ABCA12: variants seen among roughly 807,000 people sequenced by gnomAD.
The protein encoded by ABCA12 is ATP binding cassette subfamily A member 12.
A neutral mutation model predicts 293.5 loss-of-function variants in ABCA12; 156 were observed. That is an observed-to-expected ratio of 0.53 (90% CI 0.47 to 0.61). ABCA12 has a LOEUF of 0.61. Among genes scored for constraint, ABCA12 ranks in the 20% least tolerant of loss-of-function variants. The pLI is 0.00. For missense variants in ABCA12, 2,797 were observed against 3,090.2 expected, an observed-to-expected ratio of 0.91 and a Z score of 2.25; for synonymous variants, 1,063 against 1,108.0, an observed-to-expected ratio of 0.96 and a Z score of 0.81.
At chr2:214,983,988 A>G (rs979481972) in intron 28 of ABCA12, 123 bp from the exon 29 acceptor site, 13 of 728,930 alleles carry the variant, frequency 1.8e-5, no homozygotes, top group Non-Finnish European at 2.3e-5. Flanking sequence ...AGGGCAAACT[A>G]TGAAATAAAA....
chr2:214,955,793 C>CA (rs990183529), intron 42 of ABCA12, among the ~76,000 whole-genome samples: 18 of 151,770 alleles, frequency 1.2e-4, no homozygotes, highest in South Asian at 4.2e-4. Context: ...TCCTTTTTGA[C>CA]AAAAAAAATC....
At chr2:214,984,532 G>C (rs974874746) in intron 28 of ABCA12, among the ~76,000 whole-genome samples, 10 of 152,098 alleles carry the variant, frequency 6.6e-5, no homozygotes, top group Admixed American at 5.9e-4. Flanking sequence ...TTCAGCTCCA[G>C]GATTGCTCTA....
At chr2:214,990,353 A>G (rs1057433470) in intron 24 of ABCA12, among the ~76,000 whole-genome samples, 2 of 152,218 alleles carry the variant, frequency 1.3e-5, no homozygotes, top group African/African-American at 4.8e-5. Context: ...AATTGTTCAC[A>G]TATGAGAATA....
At chr2:215,103,918 T>C (rs751904909) in intron 2 of ABCA12, among the ~76,000 whole-genome samples, 1 of 152,074 alleles carries the variant, frequency 6.6e-6, no homozygotes, top group Non-Finnish European at 1.5e-5. Context: ...ACCCTGGTGG[T>C]GGAGGTTGCT....
rs1041753961 is a variant in ABCA12, at chr2:214,979,562, G to T, written c.4741-522C>A. 2.0e-5 allele frequency among the ~76,000 whole-genome samples: 3 copies of T among 151,606 alleles called. No individual in the cohort carries two copies. The East Asian group carries it at 5.8e-4, about 29-fold the overall frequency. On this transcript the variant is annotated intron_variant, in intron 31 of 52. Coordinates refer to ENST00000272895, the MANE Select transcript of ABCA12 (RefSeq NM_173076.3). The stretch of plus-strand genomic sequence containing the variant: ...ATAAATATTAAAAAATTTACTAATA[G>T]AAATAAGTGATGTACTAATTGCCAA...
At chr2:215,000,664 AGTT>A (rs764653905) in intron 22 of ABCA12, 38 bp downstream of exon 22, 4 of 1,609,940 alleles carry the variant, frequency 2.5e-6, no homozygotes, top group Non-Finnish European at 8.5e-7. Context: ...TTCTCAGAAA[AGTT>A]GTTGATCATT....
rs761681332 is a variant in ABCA12, at chr2:214,934,195, T to C, written c.7563A>G (p.Leu2521=). 3.1e-6 allele frequency: 5 copies of C among 1,613,728 alleles called. No individual in the cohort carries two copies. Among genetic ancestry groups the C allele is most frequent in the Non-Finnish European group, 4.2e-6 (5 of 1,179,714 alleles). ...TYLKDQHLSM[L]EYHVPVTAGG... ...CTGCTGTGACTGGTACATGATACTC[T>C]AGCATGCTGAGGTGCTGATCCTGTG... The change falls in exon 52 of 53, where the codon CTA becomes CTG. Residue 2521 remains leucine, a synonymous_variant. Transcript: ENST00000272895.
At chr2:215,009,296 G>C (rs1404536046) in intron 18 of ABCA12, among the ~76,000 whole-genome samples, 2 of 151,950 alleles carry the variant, frequency 1.3e-5, no homozygotes, top group East Asian at 3.9e-4. Context: ...GACATAGAGA[G>C]GGGAACAGAA....
chr2:215,013,563 A>G (rs575181485), intron 15 of ABCA12: 1 of 154,520 alleles, frequency 6.5e-6, no homozygotes, highest in East Asian at 1.9e-4. Context: ...CAGTTCTGCC[A>G]GAATTCTAGG....
chr2:215,127,006 A>G (rs1013006998), intron 1 of ABCA12, among the ~76,000 whole-genome samples: 1 of 151,912 alleles, frequency 6.6e-6, no homozygotes, highest in Non-Finnish European at 1.5e-5. Flanking sequence ...ATTGTTGTTG[A>G]GTTCGAAGAA....
At chr2:214,991,733 G>A (rs779948764) in intron 23 of ABCA12, among the ~76,000 whole-genome samples, 4 of 152,116 alleles carry the variant, frequency 2.6e-5, no homozygotes, top group African/African-American at 4.8e-5. Context: ...TCTCTCAATT[G>A]ATATTCTTTG....
chr2:215,127,300 G>C (rs953354290), intron 1 of ABCA12, among the ~76,000 whole-genome samples: 1 of 152,154 alleles, frequency 6.6e-6, no homozygotes. Flanking sequence ...GTACAGATCT[G>C]TTAAGTTCAT....
At chr2:215,110,731 T>G (rs1476019332) in intron 2 of ABCA12, among the ~76,000 whole-genome samples, 1 of 152,182 alleles carries the variant, frequency 6.6e-6, no homozygotes, top group Non-Finnish European at 1.5e-5. Context: ...GTCACTAGCT[T>G]TTTACTCTCT....
chr2:214,958,277 C>T lies in ABCA12; in HGVS notation c.6117G>A (p.Met2039Ile). The change falls in exon 41 of 53, where the codon ATG (methionine) becomes ATA (isoleucine). Residue 2039 changes from methionine to isoleucine, a missense_variant and splice_region_variant. Physicochemically the swap from Met to Ile is conservative, Grantham distance 10. Around this residue, in one of 3 missense-constraint regions of ABCA12, gnomAD observed 2,130 missense variants for 2,427.0 expected, o/e 0.88. Transcript: ENST00000272895. ...GCAATGAAGGACATAAGTTACTCACCATGTCATAAATGAAGTTTGTTACCC... is the reference window on the plus strand; with the variant it reads ...GCAATGAAGGACATAAGTTACTCACTATGTCATAAATGAAGTTTGTTACCC... ...CYWVTNFIYD[M>I]VFYLVPVAFS... 3 of 1,613,810 alleles carry T rather than the reference C, an allele frequency of 1.9e-6. No individual in the cohort carries two copies. The highest frequency in any genetic ancestry group is 2.5e-6 in the Non-Finnish European group (3 of 1,179,770).
intron 5 of ABCA12, chr2:215,050,783 C>T (rs1345648124): frequency 2.3e-5 from 23 of 985,066 alleles, no homozygotes; most frequent in Non-Finnish European, 2.8e-5. Flanking sequence ...TAACATTCCA[C>T]ATAAACTCAC....
At chr2:214,943,741 G>T (rs1360938109) in intron 49 of ABCA12, among the ~76,000 whole-genome samples, 1 of 151,928 alleles carries the variant, frequency 6.6e-6, no homozygotes, top group Non-Finnish European at 1.5e-5. Context: ...TAACTAGTTG[G>T]CCTGTACTTG....
chr2:215,089,448 C>T lies in ABCA12; in HGVS notation c.163+22149G>A, dbSNP rs115457068. Among the ~76,000 whole-genome samples the T allele has an allele frequency of 7.6e-3, 1,164 of 152,254 alleles. 8 individuals are homozygous for T. Among genetic ancestry groups the T allele is most frequent in the African/African-American group, 0.026 (1,088 of 41,556 alleles). ...CTAATTAGCGCACAGGCCAAAAAGC[C>T]TCTGAATATTTATGCTCTCAGAAAC... On this transcript the variant is annotated intron_variant, in intron 2 of 52. Coordinates refer to ENST00000272895, the MANE Select transcript of ABCA12 (RefSeq NM_173076.3).
At chr2:215,105,884 G>A (rs1236313189) in intron 2 of ABCA12, among the ~76,000 whole-genome samples, 1 of 152,120 alleles carries the variant, frequency 6.6e-6, no homozygotes, top group African/African-American at 2.4e-5. Flanking sequence ...GCAATCCACA[G>A]CAAAAGACAA....
intron 30 of ABCA12, among the ~76,000 whole-genome samples, chr2:214,981,682 T>G (rs528792892): frequency 1.3e-5 from 2 of 151,478 alleles, no homozygotes; most frequent in East Asian, 3.9e-4. Context: ...TCGATAAATA[T>G]GTACAAGCAT....
Sources: allele counts gnomAD v4.1 joint callset (sites outside exome capture counted in the v4.1 genomes callset), GRCh38; gene constraint gnomAD v4.1.1; regional missense constraint gnomAD v4.1.1; transcripts MANE v1.5; gene names NCBI Gene and HGNC (gene_info 2026-07-23, HGNC 2026-07-21).